NALCN: variants seen among roughly 807,000 people sequenced by gnomAD.
The protein encoded by NALCN is sodium leak channel NALCN.
A neutral mutation model predicts 225.3 loss-of-function variants in NALCN; 111 were observed. The ratio of observed to expected loss-of-function variants is 0.49; its 90% CI spans 0.42 to 0.58. The LOEUF (loss-of-function observed/expected upper bound fraction) is 0.58, where lower values mean the gene tolerates loss of function less well. Among genes scored for constraint, NALCN ranks in the 20% least tolerant of loss-of-function variants. NALCN has a pLI of 0.00. For missense variants in NALCN, 1,378 were observed against 2,202.4 expected, an observed-to-expected ratio of 0.63 and a Z score of 7.49; for synonymous variants, 764 against 769.0, an observed-to-expected ratio of 0.99 and a Z score of 0.11.
At chr13:101,363,442 C>T (rs2046302430) in intron 6 of NALCN, among the ~76,000 whole-genome samples, 3 of 152,042 alleles carry the variant, frequency 2.0e-5, no homozygotes, top group African/African-American at 7.2e-5. Context: ...CATGCTTTTA[C>T]AGCCAATTCA....
intron 12 of NALCN, among the ~76,000 whole-genome samples, chr13:101,233,879 C>A (rs568627881): frequency 6.6e-6 from 1 of 152,280 alleles, no homozygotes; most frequent in South Asian, 2.1e-4. Context: ...CTGATGATTT[C>A]CCACAGGCCA....
chr13:101,236,431 A>G (rs1487412238), intron 12 of NALCN, among the ~76,000 whole-genome samples: 1 of 152,126 alleles, frequency 6.6e-6, no homozygotes, highest in East Asian at 1.9e-4. Context: ...CCAAAGGACT[A>G]TAAATCATGC....
chr13:101,313,027 A>G (rs1329147688), intron 7 of NALCN, among the ~76,000 whole-genome samples: 1 of 152,186 alleles, frequency 6.6e-6, no homozygotes, highest in Non-Finnish European at 1.5e-5. Context: ...AAATAATGCC[A>G]CATATCTACA....
In NALCN at chr13:101,222,444, GC is replaced by G. The variant is rs537467402; in HGVS notation, c.1626+6948del. Among the ~76,000 whole-genome samples the G allele has an allele frequency of 5.9e-5, 9 of 152,162 alleles. No homozygotes were observed. In the South Asian group the frequency reaches 1.9e-3, roughly 32 times the overall value. On this transcript the variant is annotated intron_variant, in intron 13 of 43. Transcript: ENST00000251127. The stretch of plus-strand genomic sequence containing the variant: ...ATTTTAGATCCTGACCAATACTCAT[GC>G]TCTGATCTAATTGAAAGTTCTCCTA...
chr13:101,160,705 TTA>T (rs2139865719), intron 15 of NALCN, among the ~76,000 whole-genome samples: 1 of 152,324 alleles, frequency 6.6e-6, no homozygotes, highest in African/African-American at 2.4e-5. Flanking sequence ...ATAAATTGCC[TTA>T]TGGTACAAAG....
intron 6 of NALCN, among the ~76,000 whole-genome samples, chr13:101,350,054 C>T (rs1023698944): frequency 6.6e-6 from 1 of 152,130 alleles, no homozygotes; most frequent in Non-Finnish European, 1.5e-5. Context: ...ATTCCATTCT[C>T]TCCATCTCCC....
intron 14 of NALCN, among the ~76,000 whole-genome samples, chr13:101,186,058 G>A (rs971473035): frequency 6.6e-6 from 1 of 152,216 alleles, no homozygotes. Context: ...GGCATGCAAT[G>A]TGTGTGTAAC....
intron 34 of NALCN, among the ~76,000 whole-genome samples, chr13:101,079,681 A>G (rs889356796): frequency 1.3e-5 from 2 of 152,240 alleles, no homozygotes; most frequent in African/African-American, 4.8e-5. Context: ...AAGAGCAGCA[A>G]CTATATTTGT....
At chr13:101,083,527 A>T (rs540423263) in intron 31 of NALCN, among the ~76,000 whole-genome samples, 184 bp downstream of exon 31, 9 of 152,314 alleles carry the variant, frequency 5.9e-5, no homozygotes, top group African/African-American at 2.2e-4. Context: ...ACTGAAGCAC[A>T]GCCTTTGGGT....
At position 101,270,504 on chromosome 13, in the gene NALCN, T is replaced by C. The variant is rs1336157093; in HGVS notation, c.1135-11930A>G. 7.2e-5 allele frequency among the ~76,000 whole-genome samples: 11 copies of C among 152,210 alleles called. No homozygotes were observed. In the South Asian group the frequency reaches 1.2e-3, roughly 17 times the overall value. On this transcript the variant is annotated intron_variant, in intron 10 of 43. Transcript: ENST00000251127. ...GCTGTCCTTTCTAATACACTGCATT[T>C]CTAATGCAATGCAGGACCTCACTTG...
chr13:101,060,282 T>TTTTTTTG (rs2031777120), intron 41 of NALCN, among the ~76,000 whole-genome samples: 1 of 138,174 alleles, frequency 7.2e-6, no homozygotes, highest in Admixed American at 7.0e-5. Context: ...TCTGTTTTTT[T>TTTTTTTG]TTTTTTTTTT....
intron 2 of NALCN, among the ~76,000 whole-genome samples, chr13:101,396,467 T>C (rs1361280550): frequency 6.6e-6 from 1 of 152,106 alleles, no homozygotes; most frequent in Non-Finnish European, 1.5e-5. Flanking sequence ...CAGCTATATA[T>C]ACTAGCAAAT....
At chr13:101,345,230 T>C in intron 7 of NALCN, 36 bp downstream of exon 7, 1 of 1,593,380 alleles carries the variant, frequency 6.3e-7, no homozygotes, top group Non-Finnish European at 8.6e-7. Flanking sequence ...CATCACAAAA[T>C]AGAAACTTAA....
At chr13:101,127,430 C>CT (rs1437857151) in intron 17 of NALCN, among the ~76,000 whole-genome samples, 2 of 152,148 alleles carry the variant, frequency 1.3e-5, no homozygotes, top group African/African-American at 4.8e-5. Context: ...GTGATCCCGG[C>CT]TCACTGCAAC....
intron 27 of NALCN, among the ~76,000 whole-genome samples, chr13:101,096,522 T>C (rs933777708): frequency 1.2e-4 from 19 of 152,174 alleles, no homozygotes; most frequent in Non-Finnish European, 2.2e-4. Flanking sequence ...CAGTGAACTC[T>C]ATAGAGACAA....
intron 42 of NALCN, 83 bp downstream of exon 42, chr13:101,059,735 G>A: frequency 1.6e-6 from 2 of 1,276,182 alleles, no homozygotes; most frequent in Admixed American, 2.1e-5. Flanking sequence ...TGAATGATCT[G>A]ACCAGCACCC....
At chr13:101,070,032 AT>A (rs2032735556) in intron 37 of NALCN, among the ~76,000 whole-genome samples, 1 of 139,108 alleles carries the variant, frequency 7.2e-6, no homozygotes, top group Admixed American at 7.2e-5. Context: ...AATGTTGATG[AT>A]ATTTTGACCT....
At chr13:101,389,561 G>C (rs2047084585) in intron 3 of NALCN, among the ~76,000 whole-genome samples, 1 of 152,162 alleles carries the variant, frequency 6.6e-6, no homozygotes, top group East Asian at 1.9e-4. Context: ...TGGGCCAGCA[G>C]TCCAGAGGCA....
intron 11 of NALCN, among the ~76,000 whole-genome samples, chr13:101,252,240 G>T (rs1333421043): frequency 6.6e-6 from 1 of 152,114 alleles, no homozygotes; most frequent in Non-Finnish European, 1.5e-5. Context: ...CAACTGCCAT[G>T]TAAGAAAGGA....
Sources: gnomAD v4.1 joint callset for allele counts (sites outside exome capture counted in the v4.1 genomes callset) on GRCh38, gnomAD v4.1.1 for gene constraint, MANE v1.5 for transcripts, NCBI Gene and HGNC (gene_info 2026-07-23, HGNC 2026-07-21) for gene names.